PRDM5: variants seen among roughly 807,000 people sequenced by gnomAD.
PRDM5 encodes PR/SET domain 5, also known as PR domain zinc finger protein 5.
PRDM5 carries 56 observed loss-of-function variants against 81.2 expected under a neutral mutation model. The observed-to-expected ratio is 0.69, with a 90% confidence interval of 0.56 to 0.86. The LOEUF is 0.86. Among genes scored for constraint, PRDM5 ranks in the 40% least tolerant of loss-of-function variants. The probability of loss-of-function intolerance (pLI) is 0.00; values close to 1 mark genes in which losing one functional copy is unlikely to be tolerated. For missense variants in PRDM5, 697 were observed against 770.1 expected (o/e 0.91, Z 1.12); for synonymous variants, 267 against 256.4 (o/e 1.04, Z -0.39).
At chr4:120,919,974 C>T (rs1472328021) in intron 1 of PRDM5, among the ~76,000 whole-genome samples, 1 of 152,000 alleles carries the variant, frequency 6.6e-6, no homozygotes, top group Non-Finnish European at 1.5e-5. Flanking sequence ...TCAGAGGCAA[C>T]AGACCAGCAA....
chr4:120,722,427 G>T (rs142483369), intron 14 of PRDM5, among the ~76,000 whole-genome samples: 195 of 151,928 alleles, frequency 1.3e-3, no homozygotes, highest in African/African-American at 4.1e-3. Flanking sequence ...GATTCTATTT[G>T]GGTGTTGCCT....
In PRDM5 at chr4:120,907,527, T is replaced by C. The variant is rs767930168; in HGVS notation, c.124A>G (p.Lys42Glu). Residue 42 changes from lysine (K) to glutamate (E), a missense_variant, in exon 2 of 16, where the codon AAG becomes GAG. Physicochemically the swap from Lys to Glu is moderately conservative, Grantham distance 56. This residue lies in a region of PRDM5 where 577 missense variants were observed against 606.7 expected (regional missense o/e 0.95). Transcript: ENST00000264808. ...TCATCCAAGTCTTCAGGCATTCTCT[T>C]CTCTCCAGCAAAGGGTCCGAACTTT... Reference protein sequence around the residue: ...GEKFGPFAGEKRMPEDLDENM... With the variant: ...GEKFGPFAGEERMPEDLDENM... 6.2e-7 allele frequency: 1 copy of C among 1,612,878 alleles called. No homozygotes were observed. Among genetic ancestry groups the C allele is most frequent in the African/African-American group, 1.3e-5 (1 of 74,886 alleles).
rs552468512 is a variant in PRDM5, at chr4:120,741,779, C to A, written c.1623+12774G>T. Among the ~76,000 whole-genome samples the A allele has an allele frequency of 2.0e-5, 3 of 152,010 alleles. No homozygotes were observed. The South Asian group carries it at 6.3e-4, about 32-fold the overall frequency. ...CATGCACCTGGCTCAGAGGGTCCTA[C>A]CCCACGGAGTCTCGCTGATTGCTAG... On this transcript the variant is annotated intron_variant, in intron 14 of 15. Transcript: ENST00000264808.
At chr4:120,867,060 CA>C (rs1761259801) in intron 2 of PRDM5, among the ~76,000 whole-genome samples, 1 of 152,110 alleles carries the variant, frequency 6.6e-6, no homozygotes, top group South Asian at 2.1e-4. Flanking sequence ...AGTCTCTAGC[CA>C]AAAGCCAGCA....
At chr4:120,798,515 G>A in intron 9 of PRDM5, 91 bp from the exon 10 acceptor site, 1 of 1,185,810 alleles carries the variant, frequency 8.4e-7, no homozygotes, top group South Asian at 1.4e-5. Flanking sequence ...ACTTCTTACG[G>A]TAAGAAAACT....
At chr4:120,708,211 C>T (rs1736477074) in intron 15 of PRDM5, among the ~76,000 whole-genome samples, 1 of 152,064 alleles carries the variant, frequency 6.6e-6, no homozygotes, top group Admixed American at 6.6e-5. Flanking sequence ...CACCACAGCA[C>T]TATTCACAAT....
At chr4:120,705,082 T>A (rs753547088) in intron 15 of PRDM5, among the ~76,000 whole-genome samples, 11 of 152,152 alleles carry the variant, frequency 7.2e-5, no homozygotes, top group Non-Finnish European at 1.5e-4. Context: ...AACTAAAGTA[T>A]AATTCAGTTA....
intron 2 of PRDM5, among the ~76,000 whole-genome samples, chr4:120,894,548 C>G (rs1167709313): frequency 6.6e-6 from 1 of 152,140 alleles, no homozygotes; most frequent in Non-Finnish European, 1.5e-5. Flanking sequence ...TAAAGTTTGA[C>G]AACACTACTT....
chr4:120,882,741 T>C (rs1762982331), intron 2 of PRDM5, among the ~76,000 whole-genome samples: 3 of 152,252 alleles, frequency 2.0e-5, no homozygotes, highest in Admixed American at 2.0e-4. Context: ...ATTACAAAGT[T>C]ACATTCGTGT....
At position 120,860,892 on chromosome 4, in the gene PRDM5, G is replaced by A. The variant is rs559682312; in HGVS notation, c.178-7352C>T. On this transcript the variant is annotated intron_variant, in intron 2 of 15. Coordinates refer to ENST00000264808, the MANE Select transcript of PRDM5 (RefSeq NM_018699.4). The stretch of plus-strand genomic sequence containing the variant: ...TTGGCAGCATCCACCAGATCCCTCA[G>A]CAACGATTCATAAGACTTTAAATCC... 5.3e-5 allele frequency among the ~76,000 whole-genome samples: 8 copies of A among 152,274 alleles called. No homozygotes were observed. The East Asian group carries it at 1.5e-3, about 29-fold the overall frequency.
At chr4:120,725,764 C>T (rs764084062) in intron 14 of PRDM5, among the ~76,000 whole-genome samples, 5 of 152,244 alleles carry the variant, frequency 3.3e-5, no homozygotes, top group African/African-American at 1.2e-4. Flanking sequence ...AATCACAGCT[C>T]ATTGTAATGG....
rs530085753 is a variant in PRDM5, at chr4:120,799,640, CA to C, written c.1030+20del. 2.5e-6 allele frequency: 4 copies of C among 1,609,048 alleles called. No individual in the cohort carries two copies. In the East Asian group the frequency reaches 6.7e-5, roughly 27 times the overall value. On this transcript the variant is annotated intron_variant, in intron 9 of 15. Coordinates refer to ENST00000264808, the MANE Select transcript of PRDM5 (RefSeq NM_018699.4). ...TTTTTTGTAATGATATCACTATAAA[CA>C]AAAAAAGTATATAGTTTACCTGAGT...
At chr4:120,773,182 T>G (rs1311950708) in intron 13 of PRDM5, among the ~76,000 whole-genome samples, 3 of 152,236 alleles carry the variant, frequency 2.0e-5, no homozygotes, top group Non-Finnish European at 4.4e-5. Flanking sequence ...AAACATCATT[T>G]TTATATGAAA....
rs1762383157 is a variant in PRDM5 at position 120,876,913 on chromosome 4, TCAA to T, written c.178-23376_178-23374del. On this transcript the variant is annotated intron_variant, in intron 2 of 15. Coordinates refer to ENST00000264808, the MANE Select transcript of PRDM5 (RefSeq NM_018699.4). ...TACAATGTGGGCCATGGGAGAGCAGTCAAATCCAGAGGAATCCTTAAAAACAAA... is the reference window on the plus strand; with the variant it reads ...TACAATGTGGGCCATGGGAGAGCAGTATCCAGAGGAATCCTTAAAAACAAA... 2.6e-5 allele frequency among the ~76,000 whole-genome samples: 4 copies of T among 152,184 alleles called. No homozygotes were observed. The South Asian group carries it at 8.3e-4, about 32-fold the overall frequency.
At chr4:120,706,077 T>G (rs1244585935) in intron 15 of PRDM5, among the ~76,000 whole-genome samples, 9 of 149,456 alleles carry the variant, frequency 6.0e-5, no homozygotes, top group Admixed American at 2.7e-4. Flanking sequence ...TGGGTTTTGA[T>G]CCTAGATCTT....
chr4:120,862,134 T>C (rs751155098), intron 2 of PRDM5, among the ~76,000 whole-genome samples: 9 of 152,156 alleles, frequency 5.9e-5, no homozygotes, highest in Non-Finnish European at 1.2e-4. Flanking sequence ...GTTACTAAGG[T>C]AATTCTCATA....
At chr4:120,901,967 CA>C (rs1163183273) in intron 2 of PRDM5, among the ~76,000 whole-genome samples, 1 of 152,298 alleles carries the variant, frequency 6.6e-6, no homozygotes, top group East Asian at 1.9e-4. Context: ...GAGAGTGAGG[CA>C]GAGACCTTGT....
At chr4:120,703,525 G>T (rs1173329434) in intron 15 of PRDM5, among the ~76,000 whole-genome samples, 2 of 152,050 alleles carry the variant, frequency 1.3e-5, no homozygotes, top group Non-Finnish European at 2.9e-5. Context: ...CTACAAGAAT[G>T]TGAGTTCTAT....
downstream of PRDM5, among the ~76,000 whole-genome samples, chr4:120,687,624 GGGATAATACTACGGT>G (rs1163286527): frequency 3.3e-5 from 5 of 151,958 alleles, no homozygotes; most frequent in Admixed American, 1.3e-4. Context: ...TCAATTCTTT[GGGATAATACTACGGT>G]TTGAATCTTT....
Sources: gnomAD v4.1 joint callset for allele counts (sites outside exome capture counted in the v4.1 genomes callset) on GRCh38, gnomAD v4.1.1 for gene constraint, gnomAD v4.1.1 regional missense constraint, MANE v1.5 for transcripts, NCBI Gene and HGNC (gene_info 2026-07-23, HGNC 2026-07-21) for gene names.